Variants in TMEM117 observed in about 807,000 individuals in gnomAD.
The protein encoded by TMEM117 is transmembrane protein 117.
TMEM117 carries 27 observed loss-of-function variants against 52.4 expected under a neutral mutation model. That is an observed-to-expected ratio of 0.51 (90% CI 0.38 to 0.71). The LOEUF (loss-of-function observed/expected upper bound fraction) is 0.71, where lower values mean the gene tolerates loss of function less well. TMEM117 is among the 30% of genes least tolerant of loss of function. TMEM117 has a pLI of 0.00. For missense variants in TMEM117, 556 were observed against 630.5 expected (o/e 0.88, Z 1.26); for synonymous variants, 215 against 206.3 (o/e 1.04, Z -0.36).
intron 3 of TMEM117, among the ~76,000 whole-genome samples, chr12:43,954,616 A>G (rs572600025): frequency 6.6e-6 from 1 of 152,302 alleles, no homozygotes; most frequent in African/African-American, 2.4e-5. Flanking sequence ...GAATCCCTGA[A>G]TAGAGCAATA....
At chr12:44,277,714 T>C (rs1049702446) in intron 5 of TMEM117, among the ~76,000 whole-genome samples, 5 of 149,780 alleles carry the variant, frequency 3.3e-5, no homozygotes, top group African/African-American at 9.9e-5. Flanking sequence ...ACAGAGAACT[T>C]CCCTCCCATG....
At chr12:43,820,902 T>C in the TMEM117 span, among the ~76,000 whole-genome samples, 1 of 151,868 alleles carries the variant, frequency 6.6e-6, no homozygotes, top group Non-Finnish European at 1.5e-5. Flanking sequence ...GAGACCATCC[T>C]GGCTAACACG....
At chr12:44,117,306 G>A (rs773381016) in intron 3 of TMEM117, among the ~76,000 whole-genome samples, 5 of 151,750 alleles carry the variant, frequency 3.3e-5, no homozygotes, top group Non-Finnish European at 7.4e-5. Flanking sequence ...TTCTGATGCC[G>A]TTTGCACATG....
chr12:44,179,549 A>T (rs1190289015), intron 4 of TMEM117, among the ~76,000 whole-genome samples: 7 of 152,172 alleles, frequency 4.6e-5, no homozygotes, highest in Admixed American at 3.9e-4. Flanking sequence ...GAGTGGGAAG[A>T]CTCAGCAGCA....
intron 3 of TMEM117, among the ~76,000 whole-genome samples, chr12:44,081,087 A>G (rs772785511): frequency 2.6e-5 from 4 of 152,230 alleles, no homozygotes; most frequent in Admixed American, 6.5e-5. Flanking sequence ...TAATTAAACT[A>G]TAGTATTATT....
At chr12:44,334,861 A>G (rs942505572) in intron 6 of TMEM117, among the ~76,000 whole-genome samples, 2 of 152,042 alleles carry the variant, frequency 1.3e-5, no homozygotes, top group African/African-American at 2.4e-5. Flanking sequence ...GCTCAACACT[A>G]TAAAAATCTT....
chr12:43,979,910 C>A (rs1945733256), intron 3 of TMEM117, among the ~76,000 whole-genome samples: 1 of 152,150 alleles, frequency 6.6e-6, no homozygotes, highest in African/African-American at 2.4e-5. Flanking sequence ...AAGGGGTCTG[C>A]AGAGTGACCT....
chr12:44,265,320 G>A (rs1050444482), intron 5 of TMEM117, among the ~76,000 whole-genome samples: 2 of 143,948 alleles, frequency 1.4e-5, no homozygotes, highest in Non-Finnish European at 3.1e-5. Context: ...ATGTAGTGGG[G>A]CTAAGGTAGG....
chr12:44,358,524 A>G (rs1250074976), intron 6 of TMEM117, among the ~76,000 whole-genome samples: 2 of 152,018 alleles, frequency 1.3e-5, no homozygotes, highest in East Asian at 3.9e-4. Context: ...TTAATACACA[A>G]TCCCTCATGT....
At chr12:43,937,205 CTTCT>C (rs998629411) in intron 2 of TMEM117, among the ~76,000 whole-genome samples, 35 of 152,112 alleles carry the variant, frequency 2.3e-4, no homozygotes, top group African/African-American at 8.5e-4. Flanking sequence ...ACAAGGATGT[CTTCT>C]TGAGGTTGAG....
At position 44,319,233 on chromosome 12, in the gene TMEM117, A is replaced by G. The variant is rs959282724; in HGVS notation, c.768+19494A>G. Among the ~76,000 whole-genome samples the G allele has an allele frequency of 5.9e-5, 9 of 152,304 alleles. No homozygotes were observed. In the East Asian group the frequency reaches 1.5e-3, roughly 26 times the overall value. ...CTGACTTTGTATGCACCTGGATTAA[A>G]AATGGCATCCTGCTCTCCATCCTGA... On this transcript the variant is annotated intron_variant, in intron 6 of 7. Coordinates refer to ENST00000266534, the MANE Select transcript of TMEM117 (RefSeq NM_032256.3).
intron 6 of TMEM117, among the ~76,000 whole-genome samples, chr12:44,335,626 T>A (rs1388892667): frequency 1.3e-5 from 2 of 152,120 alleles, no homozygotes; most frequent in Non-Finnish European, 2.9e-5. Flanking sequence ...GTAATAACTA[T>A]GTAGTCCTGA....
At chr12:44,234,861 T>G (rs1949975706) in intron 5 of TMEM117, among the ~76,000 whole-genome samples, 1 of 151,560 alleles carries the variant, frequency 6.6e-6, no homozygotes, top group African/African-American at 2.4e-5. Flanking sequence ...TTTATATCTC[T>G]TTATATATCA....
At chr12:44,351,273 GCA>G (rs1370382221) in intron 6 of TMEM117, among the ~76,000 whole-genome samples, 1 of 151,782 alleles carries the variant, frequency 6.6e-6, no homozygotes, top group Non-Finnish European at 1.5e-5. Context: ...TGTCAGACCG[GCA>G]TTTTGCAAAT....
chr12:44,025,514 C>G (rs1187947691), intron 3 of TMEM117, among the ~76,000 whole-genome samples: 1 of 152,044 alleles, frequency 6.6e-6, no homozygotes, highest in East Asian at 1.9e-4. Context: ...GATAGAAAAA[C>G]AAGAATGTAG....
At chr12:44,135,799 T>C (rs113505413) in intron 3 of TMEM117, among the ~76,000 whole-genome samples, 1,603 of 152,328 alleles carry the variant, frequency 0.011, 16 homozygotes, top group Admixed American at 0.019. Context: ...TGGCAACTGT[T>C]AATTATTGTA....
the TMEM117 span, among the ~76,000 whole-genome samples, chr12:43,830,120 G>A: frequency 1.7e-4 from 25 of 150,778 alleles, no homozygotes; most frequent in Admixed American, 4.6e-4. Flanking sequence ...ACTGTAGGGG[G>A]ACAGGCAGCA....
intron 5 of TMEM117, among the ~76,000 whole-genome samples, chr12:44,252,463 C>T (rs1276052393): frequency 6.6e-6 from 1 of 152,096 alleles, no homozygotes; most frequent in African/African-American, 2.4e-5. Context: ...GAGATCACAT[C>T]GCTGCACTCC....
chr12:44,329,955 C>T (rs1237915795), intron 6 of TMEM117, among the ~76,000 whole-genome samples: 1 of 152,044 alleles, frequency 6.6e-6, no homozygotes, highest in African/African-American at 2.4e-5. Context: ...AATAATGCTG[C>T]TATGAACATT....
Sources: gnomAD v4.1 joint callset for allele counts (sites outside exome capture counted in the v4.1 genomes callset) on GRCh38, gnomAD v4.1.1 for gene constraint, MANE v1.5 for transcripts, NCBI Gene and HGNC (gene_info 2026-07-23, HGNC 2026-07-21) for gene names.